PCMT1: variants seen among roughly 807,000 people sequenced by gnomAD.
The protein encoded by PCMT1 is protein-L-isoaspartate (D-aspartate) O-methyltransferase, also known as protein-L-isoaspartate(D-aspartate) O-methyltransferase.
In PCMT1, 9 loss-of-function variants were observed where a neutral mutation model predicts 29.2. The observed-to-expected ratio is 0.31, with a 90% CI of 0.19 to 0.54. The LOEUF (loss-of-function observed/expected upper bound fraction) is 0.54. Among genes scored for constraint, PCMT1 ranks in the 20% least tolerant of loss-of-function variants. The pLI is 0.95. For missense variants in PCMT1, 184 were observed against 282.2 expected, an observed-to-expected ratio of 0.65 and a Z score of 2.49; for synonymous variants, 98 against 97.5, an observed-to-expected ratio of 1.00 and a Z score of -0.03.
intron 1 of PCMT1, among the ~76,000 whole-genome samples, chr6:149,757,162 CATAA>C (rs1219246879): frequency 7.9e-5 from 12 of 152,130 alleles, no homozygotes; most frequent in East Asian, 3.9e-4. Context: ...AAAATAAATA[CATAA>C]ATAAATAAAA....
At chr6:149,765,980 A>ATTT (rs58014361) in intron 1 of PCMT1, among the ~76,000 whole-genome samples, 1 of 145,082 alleles carries the variant, frequency 6.9e-6, no homozygotes, top group Non-Finnish European at 1.5e-5. Context: ...AAAAAAATAA[A>ATTT]TTTTTTTTTT....
At chr6:149,785,278 AGTT>A (rs1052930499) in intron 3 of PCMT1, among the ~76,000 whole-genome samples, 74 of 123,728 alleles carry the variant, frequency 6.0e-4, no homozygotes, top group Non-Finnish European at 1.0e-3. Flanking sequence ...TGGAATAAGT[AGTT>A]GTTAATTTTT....
chr6:149,788,497 T>C (rs569962854), intron 3 of PCMT1, among the ~76,000 whole-genome samples: 17 of 152,222 alleles, frequency 1.1e-4, no homozygotes, highest in Non-Finnish European at 2.4e-4. Context: ...ATATGGGCCA[T>C]TTATTTTGTA....
chr6:149,784,187 G>T (rs911105477), intron 3 of PCMT1, among the ~76,000 whole-genome samples: 6 of 152,180 alleles, frequency 3.9e-5, no homozygotes, highest in African/African-American at 1.2e-4. Context: ...GGACTTTCTG[G>T]TTTGAAAGTT....
rs180877936 is a variant in PCMT1, at chr6:149,780,780, G to C, written c.192+7611G>C. On this transcript the variant is annotated intron_variant, in intron 3 of 7. Transcript: ENST00000464889. ...TTGAGGGACATTTGGATTGTTTCCA[G>C]TGTTTGGCTATTCTAAATAATGCTG... Among the ~76,000 whole-genome samples the C allele has an allele frequency of 2.4e-4, 37 of 152,230 alleles. 1 individual carries two copies. The highest frequency in any genetic ancestry group is 2.1e-3 in the Admixed American group (32 of 15,286).
intron 1 of PCMT1, among the ~76,000 whole-genome samples, chr6:149,758,451 C>A (rs1000492765): frequency 2.6e-5 from 4 of 151,786 alleles, no homozygotes; most frequent in Admixed American, 6.6e-5. Context: ...ACTTTGTGAT[C>A]TGCCCACCTC....
chr6:149,793,743 TACTC>T lies in PCMT1; in HGVS notation c.418+76_418+79del, dbSNP rs1211655207. The T allele has an allele frequency of 2.4e-6, 3 of 1,233,228 alleles. No homozygotes were observed. The African/African-American group carries it at 4.8e-5, about 20-fold the overall frequency. The allele number at this position is 1,233,228 out of a possible 1,614,324, so 76.4% of individuals were successfully genotyped here. A position where few individuals can be genotyped will look rare whatever the true frequency, so the allele number is the denominator to read the frequency against. On this transcript the variant is annotated intron_variant, in intron 5 of 7. Coordinates refer to ENST00000464889, the MANE Select transcript of PCMT1 (RefSeq NM_001360452.2). ...AGAAGATCCAATGCAAGCTAAATAATACTCAGAGGTAATTATTGTATTTTTTTTT... is the reference window on the plus strand; with the variant it reads ...AGAAGATCCAATGCAAGCTAAATAATAGAGGTAATTATTGTATTTTTTTTT...
chr6:149,756,138 CTG>C (rs892825155), intron 1 of PCMT1, among the ~76,000 whole-genome samples: 1 of 152,054 alleles, frequency 6.6e-6, no homozygotes, highest in Non-Finnish European at 1.5e-5. Context: ...GAGGAGGGGA[CTG>C]TGGGAGATCA....
chr6:149,802,771 A>T (rs1775879109), intron 7 of PCMT1, among the ~76,000 whole-genome samples: 2 of 152,062 alleles, frequency 1.3e-5, no homozygotes. Flanking sequence ...TCTGTAAAAG[A>T]GGCCAGGCGG....
rs1193544458 is a variant in PCMT1 at position 149,765,730 on chromosome 6, G to T, written c.56-5432G>T. ...ACCTGTAATACCAGCACTTTGGGAGGACGAGGAAGGTGGATCACCTAAGGT... is the reference window on the plus strand; with the variant it reads ...ACCTGTAATACCAGCACTTTGGGAGTACGAGGAAGGTGGATCACCTAAGGT... On this transcript the variant is annotated intron_variant, in intron 1 of 7. Transcript: ENST00000464889. 6 of 341,094 alleles carry T rather than the reference G, an allele frequency of 1.8e-5. No individual in the cohort carries two copies. The East Asian group carries it at 6.6e-4, about 37-fold the overall frequency. The allele number at this position is 341,094 out of a possible 1,614,324, so 21.1% of individuals were successfully genotyped here.
intron 1 of PCMT1, among the ~76,000 whole-genome samples, chr6:149,759,580 C>T (rs981357380): frequency 5.9e-5 from 9 of 151,966 alleles, no homozygotes; most frequent in Admixed American, 4.6e-4. Flanking sequence ...CTGCAACCTC[C>T]GCCTCCCTTG....
intron 1 of PCMT1, among the ~76,000 whole-genome samples, chr6:149,767,846 T>G (rs1787157076): frequency 6.6e-6 from 1 of 152,006 alleles, no homozygotes; most frequent in South Asian, 2.1e-4. Context: ...CAGGCTGGAG[T>G]GCAGTGGCGC....
Position 149,789,524 on chromosome 6 carries a change from A to G in PCMT1, c.193-430A>G, listed in dbSNP as rs1168920106. On this transcript the variant is annotated intron_variant, in intron 3 of 7. Coordinates refer to ENST00000464889, the MANE Select transcript of PCMT1 (RefSeq NM_001360452.2). Reference sequence around the variant, plus strand: ...ACCAACATGGAGAAACCTCATCTCTATTAAAAATACAAAATTAGCCTTTGT... The same window carrying G: ...ACCAACATGGAGAAACCTCATCTCTGTTAAAAATACAAAATTAGCCTTTGT... Among the ~76,000 whole-genome samples, 11 of 152,190 alleles carry G rather than the reference A, an allele frequency of 7.2e-5. No individual in the cohort carries two copies. The South Asian group carries it at 1.0e-3, about 14-fold the overall frequency.
intron 7 of PCMT1, among the ~76,000 whole-genome samples, chr6:149,809,406 T>A (rs1776103096): frequency 1.3e-5 from 2 of 152,226 alleles, no homozygotes; most frequent in African/African-American, 4.8e-5. Flanking sequence ...CTGCATGAGT[T>A]AAGTAAAAGC....
At chr6:149,806,012 T>C (rs1324315955) in intron 7 of PCMT1, among the ~76,000 whole-genome samples, 1 of 151,920 alleles carries the variant, frequency 6.6e-6, no homozygotes, top group Non-Finnish European at 1.5e-5. Context: ...TCTCCAGGTG[T>C]ACCAGGAGGA....
chr6:149,785,366 T>C (rs1787983735), intron 3 of PCMT1, among the ~76,000 whole-genome samples: 1 of 149,748 alleles, frequency 6.7e-6, no homozygotes, highest in Non-Finnish European at 1.5e-5. Context: ...TTTTTTTTTT[T>C]TTTTTTAATT....
intron 3 of PCMT1, among the ~76,000 whole-genome samples, chr6:149,778,802 G>A (rs1452629479): frequency 2.0e-5 from 3 of 152,094 alleles, no homozygotes; most frequent in African/African-American, 7.2e-5. Context: ...GCCTCCCAAA[G>A]TGTTAGCATT....
chr6:149,785,401 CTTTTTTTTTATTTTTA>C (rs1562413526), intron 3 of PCMT1, among the ~76,000 whole-genome samples: 7 of 95,954 alleles, frequency 7.3e-5, no homozygotes, highest in African/African-American at 2.4e-4. Flanking sequence ...TTATTCAGTT[CTTTTTTTTTATTTTTA>C]TTTTTTTTTA....
At chr6:149,792,944 C>T (rs575298284) in intron 4 of PCMT1, among the ~76,000 whole-genome samples, 2 of 152,114 alleles carry the variant, frequency 1.3e-5, no homozygotes, top group East Asian at 3.9e-4. Flanking sequence ...GGGCAGATCA[C>T]GAGGTCAGGA....
Sources: gnomAD v4.1 joint callset for allele counts (sites outside exome capture counted in the v4.1 genomes callset) on GRCh38, gnomAD v4.1.1 for gene constraint, MANE v1.5 for transcripts, NCBI Gene and HGNC (gene_info 2026-07-23, HGNC 2026-07-21) for gene names.